The following EMILIN2 variants were observed in gnomAD, a reference collection of about 807,000 sequenced individuals.
EMILIN2 encodes the protein elastin microfibril interfacer 2, also known as EMILIN-2.
In EMILIN2, 71 loss-of-function variants were observed where a neutral mutation model predicts 87.1. That is an observed-to-expected ratio of 0.82 (90% CI 0.67 to 0.99). The LOEUF (loss-of-function observed/expected upper bound fraction) is 0.99, where lower values mean the gene tolerates loss of function less well. EMILIN2 is among the 50% of genes least tolerant of loss of function. The pLI, the probability that EMILIN2 is intolerant of heterozygous loss-of-function variation, is 0.00. For missense variants in EMILIN2, 1,407 were observed against 1,371.8 expected (o/e 1.03, Z -0.40); for synonymous variants, 581 against 563.4 (o/e 1.03, Z -0.44).
At chr18:2,864,591 TAGTC>T (rs1279877157) in intron 2 of EMILIN2, among the ~76,000 whole-genome samples, 5 of 152,252 alleles carry the variant, frequency 3.3e-5, no homozygotes, top group Admixed American at 3.3e-4. Context: ...GATCAGCTAT[TAGTC>T]TGATGGGCTT....
At chr18:2,905,280 A>C (rs1392926118) in intron 4 of EMILIN2, among the ~76,000 whole-genome samples, 1 of 92,694 alleles carries the variant, frequency 1.1e-5, no homozygotes, top group Non-Finnish European at 1.9e-5. Flanking sequence ...TGTTCTGGCA[A>C]CCTGCCTCTG....
Position 2,892,326 on chromosome 18 carries a change from T to G in EMILIN2, c.2199T>G (p.His733Gln). 6.2e-7 allele frequency: 1 copy of G among 1,614,180 alleles called. No homozygotes were observed. The highest frequency in any genetic ancestry group is 8.5e-7 in the Non-Finnish European group (1 of 1,180,028). Residue 733 changes from histidine (H) to glutamine (Q), a missense_variant, in exon 4 of 8, where the codon CAT becomes CAG. Coordinates refer to ENST00000254528, the MANE Select transcript of EMILIN2 (RefSeq NM_032048.3). Reference sequence around the variant, plus strand: ...GGATCAAGGAGGGGCTCAACAAGCATGTCAGCAGCCTGTGGAACTGTGTCA... The same window carrying G: ...GGATCAAGGAGGGGCTCAACAAGCAGGTCAGCAGCCTGTGGAACTGTGTCA... ...LQRIKEGLNKHVSSLWNCVRQ... is the reference protein window; with the variant it reads ...LQRIKEGLNKQVSSLWNCVRQ...
At chr18:2,909,481 C>T (rs1327565279) in intron 6 of EMILIN2, among the ~76,000 whole-genome samples, 1 of 152,244 alleles carries the variant, frequency 6.6e-6, no homozygotes, top group Non-Finnish European at 1.5e-5. Flanking sequence ...AGAGTCTGTC[C>T]GGTTTCTCAG....
chr18:2,900,283 G>A (rs1284710284), intron 4 of EMILIN2, among the ~76,000 whole-genome samples: 1 of 152,136 alleles, frequency 6.6e-6, no homozygotes, highest in African/African-American at 2.4e-5. Flanking sequence ...GAACTCCTGG[G>A]CTCATGCTAT....
intron 3 of EMILIN2, among the ~76,000 whole-genome samples, chr18:2,888,332 C>T (rs957821925): frequency 4.6e-5 from 7 of 152,188 alleles, no homozygotes; most frequent in African/African-American, 1.7e-4. Flanking sequence ...ATCTTCCCCC[C>T]TTTGCCGCCC....
chr18:2,875,899 G>T (rs1405352871), intron 2 of EMILIN2, among the ~76,000 whole-genome samples: 5 of 152,064 alleles, frequency 3.3e-5, no homozygotes, highest in Non-Finnish European at 7.4e-5. Flanking sequence ...GATATGAGGG[G>T]TGATAAATTG....
At chr18:2,892,906 G>A (rs536022927) in intron 4 of EMILIN2, among the ~76,000 whole-genome samples, 1 of 150,282 alleles carries the variant, frequency 6.7e-6, no homozygotes, top group African/African-American at 2.5e-5. Flanking sequence ...ACAAAAATTA[G>A]CTGGGTGTGG....
chr18:2,874,823 C>T (rs904598428), intron 2 of EMILIN2, among the ~76,000 whole-genome samples: 1 of 152,208 alleles, frequency 6.6e-6, no homozygotes, highest in Non-Finnish European at 1.5e-5. Context: ...ATGTTTAAAT[C>T]TGCAAAGAAA....
In EMILIN2 at chr18:2,894,033, G is replaced by T. The variant is rs2076851945; in HGVS notation, c.2359+1547G>T. ...TCTTTTCTCCCATCCTTGCCTTTGG[G>T]ACTTTTACCTCCCTGACCTGGTTCC... On this transcript the variant is annotated intron_variant, in intron 4 of 7. Transcript: ENST00000254528. The surrounding 1 kb of genome is among the most constrained non-coding windows in gnomAD (Gnocchi z 5.0). Among the ~76,000 whole-genome samples, 2 of 152,074 alleles carry T rather than the reference G, an allele frequency of 1.3e-5. No homozygotes were observed. The highest frequency in any genetic ancestry group is 2.9e-5 in the Non-Finnish European group (2 of 68,022).
intron 2 of EMILIN2, among the ~76,000 whole-genome samples, chr18:2,884,630 G>T (rs1484437507): frequency 6.6e-6 from 1 of 152,230 alleles, no homozygotes; most frequent in Non-Finnish European, 1.5e-5. Flanking sequence ...TAGAACAGAA[G>T]TTTGGTGAAA....
At chr18:2,856,466 G>C (rs1032096790) in intron 2 of EMILIN2, among the ~76,000 whole-genome samples, 1 of 152,088 alleles carries the variant, frequency 6.6e-6, no homozygotes, top group Non-Finnish European at 1.5e-5. Context: ...CAATCCCCAG[G>C]TGATCTATCC....
At chr18:2,902,878 CTG>C (rs989657706) in intron 4 of EMILIN2, among the ~76,000 whole-genome samples, 4 of 152,050 alleles carry the variant, frequency 2.6e-5, no homozygotes, top group Admixed American at 6.6e-5. Flanking sequence ...AAACAGGACT[CTG>C]TGCCTGGATG....
At chr18:2,874,073 T>C (rs2076735638) in intron 2 of EMILIN2, among the ~76,000 whole-genome samples, 1 of 152,068 alleles carries the variant, frequency 6.6e-6, no homozygotes, top group African/African-American at 2.4e-5. Flanking sequence ...ACCTTAAAAG[T>C]CCGTTGGCCA....
chr18:2,847,243 C>T lies in EMILIN2; in HGVS notation c.55C>T (p.Leu19=). The change falls in exon 1 of 8, where the codon CTG becomes TTG. Residue 19 remains leucine (L), a synonymous_variant. Transcript: ENST00000254528. This position sits in a 1 kb window ranked among gnomAD's most constrained non-coding sequence, Gnocchi z 4.5. ...CGTGCCCTGGCGCTGGGCGCTGGCG[C>T]TGCTGGCCCTGGTTGGCGCGGGGCT... The part of the protein sequence containing the change: ...PRVPWRWALA[L]LALVGAGLCH... 1 of 1,282,236 alleles carries T rather than the reference C, an allele frequency of 7.8e-7. No individual in the cohort carries two copies. The highest frequency in any genetic ancestry group is 4.0e-5 in the Admixed American group (1 of 25,248). 79.4% of individuals were successfully genotyped at this position (1,282,236 alleles called of 1,614,324 possible).
upstream of EMILIN2, chr18:2,846,717 G>C (rs1016850813): frequency 4.1e-6 from 4 of 982,062 alleles, no homozygotes; most frequent in Non-Finnish European, 4.8e-6. This position sits in a 1 kb window ranked among gnomAD's most constrained non-coding sequence, Gnocchi z 5.3. Flanking sequence ...GCCGCGTCCC[G>C]GGGGGCCGGG....
chr18:2,888,726 AAAAAAGAG>A (rs1568472610), intron 3 of EMILIN2, among the ~76,000 whole-genome samples: 1 of 151,620 alleles, frequency 6.6e-6, no homozygotes, highest in Non-Finnish European at 1.5e-5. Flanking sequence ...AAAAAAAAAA[AAAAAAGAG>A]AGAGAGAGAG....
intron 2 of EMILIN2, among the ~76,000 whole-genome samples, chr18:2,869,824 G>A (rs1224131697): frequency 8.3e-6 from 1 of 120,126 alleles, no homozygotes; most frequent in Non-Finnish European, 1.9e-5. Context: ...ACCATCATTT[G>A]TATAGTTGCT....
chr18:2,883,572 G>A (rs1031146742), intron 2 of EMILIN2, among the ~76,000 whole-genome samples: 1 of 152,232 alleles, frequency 6.6e-6, no homozygotes, highest in African/African-American at 2.4e-5. Context: ...TGCCTGTGCT[G>A]TGAGCAGGGG....
At chr18:2,873,735 T>TA (rs1568463392) in intron 2 of EMILIN2, among the ~76,000 whole-genome samples, 1 of 151,806 alleles carries the variant, frequency 6.6e-6, no homozygotes, top group Non-Finnish European at 1.5e-5. Flanking sequence ...AATAAAAATT[T>TA]AAAAAATGGA....
Sources: allele counts gnomAD v4.1 joint callset (sites outside exome capture counted in the v4.1 genomes callset), GRCh38; gene constraint gnomAD v4.1.1; non-coding constraint Gnocchi (gnomAD v3.1); transcripts MANE v1.5; gene names NCBI Gene and HGNC (gene_info 2026-07-23, HGNC 2026-07-21).